DCC: variants seen among roughly 807,000 people sequenced by gnomAD.
DCC encodes DCC netrin 1 receptor, also known as netrin receptor DCC.
In DCC, 58 loss-of-function variants were observed where a neutral mutation model predicts 172.5. The ratio of observed to expected loss-of-function variants is 0.34; its 90% confidence interval spans 0.27 to 0.42. DCC has a LOEUF of 0.42. DCC is among the 10% of genes least tolerant of loss of function. The pLI is 1.00. For missense variants in DCC, 1,740 were observed against 1,791.0 expected (o/e 0.97, Z 0.51); for synonymous variants, 709 against 644.5 (o/e 1.10, Z -1.52).
chr18:52,823,574 C>CT (rs1341064157), intron 2 of DCC, among the ~76,000 whole-genome samples: 1 of 152,034 alleles, frequency 6.6e-6, no homozygotes, highest in Admixed American at 6.6e-5. Flanking sequence ...ATTTTACTTA[C>CT]TAAGGTGGGA....
intron 1 of DCC, among the ~76,000 whole-genome samples, chr18:52,591,732 A>G (rs1431607084): frequency 2.7e-5 from 4 of 150,850 alleles, no homozygotes; most frequent in Non-Finnish European, 5.9e-5. Context: ...ACAGGCACTC[A>G]TCACCATGCC....
At chr18:53,073,226 TAAAAA>T (rs111946315) in intron 7 of DCC, among the ~76,000 whole-genome samples, 1 of 150,770 alleles carries the variant, frequency 6.6e-6, no homozygotes, top group Non-Finnish European at 1.5e-5. Flanking sequence ...GGAAGACAAA[TAAAAA>T]AAAATAAAAA....
chr18:53,507,689 A>G lies in DCC; in HGVS notation c.4111+8179A>G, dbSNP rs1402832382. On this transcript the variant is annotated intron_variant, in intron 27 of 28. Transcript: ENST00000442544. ...AAGTAAGCCCTATTCATGAAACCGT[A>G]TGCCTCTCATTTTGAAATGAATAAT... Among the ~76,000 whole-genome samples, 4 of 152,148 alleles carry G rather than the reference A, an allele frequency of 2.6e-5. No homozygotes were observed. In the East Asian group the frequency reaches 7.7e-4, roughly 29 times the overall value.
At chr18:53,462,647 GC>G (rs2045573507) in intron 24 of DCC, among the ~76,000 whole-genome samples, 1 of 152,044 alleles carries the variant, frequency 6.6e-6, no homozygotes, top group South Asian at 2.1e-4. Flanking sequence ...CCTGCCCCCT[GC>G]CCCCAGGTCC....
intron 7 of DCC, among the ~76,000 whole-genome samples, chr18:53,147,766 C>A (rs2043937366): frequency 6.6e-6 from 1 of 152,164 alleles, no homozygotes; most frequent in African/African-American, 2.4e-5. Context: ...ATGAACATAT[C>A]CTAGAAATGA....
chr18:52,385,235 G>A (rs1449850608), intron 1 of DCC, among the ~76,000 whole-genome samples: 1 of 152,062 alleles, frequency 6.6e-6, no homozygotes, highest in East Asian at 1.9e-4. Flanking sequence ...GTATGAAATA[G>A]CCAGCAAGGC....
intron 1 of DCC, among the ~76,000 whole-genome samples, chr18:52,741,242 C>G (rs1002100732): frequency 6.6e-6 from 1 of 152,170 alleles, no homozygotes; most frequent in Non-Finnish European, 1.5e-5. Flanking sequence ...TGAATATGAT[C>G]ATTTCTCATG....
chr18:52,515,938 A>AG (rs1473849881), intron 1 of DCC, among the ~76,000 whole-genome samples: 15 of 151,360 alleles, frequency 9.9e-5, no homozygotes, highest in Admixed American at 8.5e-4. Flanking sequence ...GAAAAAAAAA[A>AG]AAAAAAGAAA....
intron 1 of DCC, among the ~76,000 whole-genome samples, chr18:52,380,416 T>A (rs1985535128): frequency 6.6e-6 from 1 of 152,102 alleles, no homozygotes; most frequent in South Asian, 2.1e-4. Flanking sequence ...CTCTTTAGAT[T>A]GAGCTTGTGG....
At chr18:53,515,734 A>C (rs1185106278) in intron 27 of DCC, among the ~76,000 whole-genome samples, 2 of 151,682 alleles carry the variant, frequency 1.3e-5, no homozygotes, top group Admixed American at 1.3e-4. Flanking sequence ...CAGGAATCCA[A>C]CTTACAAGGG....
chr18:53,093,157 C>G (rs1428637618), intron 7 of DCC, among the ~76,000 whole-genome samples: 1 of 152,048 alleles, frequency 6.6e-6, no homozygotes, highest in Non-Finnish European at 1.5e-5. Flanking sequence ...GGGTGCATGC[C>G]TGTAATCCCA....
At chr18:52,663,644 T>C (rs1028907855) in intron 1 of DCC, among the ~76,000 whole-genome samples, 2 of 152,174 alleles carry the variant, frequency 1.3e-5, no homozygotes, top group African/African-American at 4.8e-5. Context: ...CTCATAGTAA[T>C]GAATATATAT....
At chr18:52,377,565 A>T (rs1243977932) in intron 1 of DCC, among the ~76,000 whole-genome samples, 1 of 151,984 alleles carries the variant, frequency 6.6e-6, no homozygotes, top group African/African-American at 2.4e-5. Flanking sequence ...TGAGAATCTG[A>T]CTTACGTATT....
intron 7 of DCC, among the ~76,000 whole-genome samples, chr18:53,151,223 T>C (rs1224863503): frequency 6.6e-6 from 1 of 152,190 alleles, no homozygotes; most frequent in Non-Finnish European, 1.5e-5. Flanking sequence ...ACAAATTAAA[T>C]AGGTATCTGG....
At chr18:52,578,975 G>A (rs768631808) in intron 1 of DCC, among the ~76,000 whole-genome samples, 6 of 152,212 alleles carry the variant, frequency 3.9e-5, no homozygotes, top group African/African-American at 1.2e-4. Flanking sequence ...GTGAGACTCC[G>A]TCTGGAAAAA....
chr18:52,504,008 C>T (rs1144048), intron 1 of DCC, among the ~76,000 whole-genome samples: 1 of 152,096 alleles, frequency 6.6e-6, no homozygotes, highest in Non-Finnish European at 1.5e-5. Context: ...CTACTCTCAA[C>T]CTTATAAACA....
chr18:53,233,154 G>A (rs752073826), intron 12 of DCC, among the ~76,000 whole-genome samples: 1 of 151,998 alleles, frequency 6.6e-6, no homozygotes, highest in Non-Finnish European at 1.5e-5. Context: ...ATCCTATAAT[G>A]GCTGAAAAGC....
chr18:52,358,337 GA>G (rs1051772217), intron 1 of DCC, among the ~76,000 whole-genome samples: 2 of 152,162 alleles, frequency 1.3e-5, no homozygotes, highest in African/African-American at 4.8e-5. Context: ...GAGCTCAGGG[GA>G]TGATCTGGAG....
At chr18:52,341,829 G>T (rs1409867221) in intron 1 of DCC, among the ~76,000 whole-genome samples, 2 of 152,180 alleles carry the variant, frequency 1.3e-5, no homozygotes, top group African/African-American at 4.8e-5. Flanking sequence ...GGGCACTGGG[G>T]TACAGTGAGC....
Sources: gnomAD v4.1 joint callset for allele counts (sites outside exome capture counted in the v4.1 genomes callset) on GRCh38, gnomAD v4.1.1 for gene constraint, MANE v1.5 for transcripts, NCBI Gene and HGNC (gene_info 2026-07-23, HGNC 2026-07-21) for gene names.